MAP9: variants seen among roughly 807,000 people sequenced by gnomAD.
The protein encoded by MAP9 is microtubule-associated protein 9.
A neutral mutation model predicts 75.2 loss-of-function variants in MAP9; 80 were observed. The ratio of observed to expected loss-of-function variants is 1.06; its 90% CI spans 0.89 to 1.28. The LOEUF (loss-of-function observed/expected upper bound fraction) is 1.28, where lower values mean the gene tolerates loss of function less well. MAP9 is among the 50% of genes most tolerant of loss of function. The pLI is 0.00. For synonymous variants in MAP9, 235 were observed against 237.3 expected, an observed-to-expected ratio of 0.99 and a Z score of 0.09; for missense variants, 753 against 719.9, an observed-to-expected ratio of 1.05 and a Z score of -0.53.
chr4:155,354,965 C>A (rs1731701163), intron 10 of MAP9, 106 bp downstream of exon 10: 4 of 507,070 alleles, frequency 7.9e-6, no homozygotes, highest in East Asian at 8.3e-5. Flanking sequence ...CTTTAATATA[C>A]AAGTTATTTT....
At chr4:155,350,346 T>C in intron 13 of MAP9, 1 of 373,144 alleles carries the variant, frequency 2.7e-6, no homozygotes, top group Non-Finnish European at 5.2e-6. Context: ...TTACTAGATA[T>C]CAAACATGTT....
Position 155,343,374 on chromosome 4 carries a change from A to G in MAP9, c.*4409T>C, listed in dbSNP as rs1359140085. 1 of 151,674 alleles carries G rather than the reference A, an allele frequency of 6.6e-6. No homozygotes were observed. The highest frequency in any genetic ancestry group is 1.9e-4 in the East Asian group (1 of 5,198). The allele number at this position is 151,674 out of a possible 1,614,324, so 9.4% of individuals were successfully genotyped here. On this transcript the variant is annotated 3_prime_UTR_variant, in exon 14 of 14. Transcript: ENST00000311277. ...GAAACTAATTAACAGGAAGAGTACA[A>G]AATAATATGTTAGTTATAACTATCT...
Position 155,352,986 on chromosome 4 carries a change from T to G in MAP9, c.1614A>C (p.Glu538Asp). ...KEKNRKEREY[E>D]RAKKQKEEET... is the part of the protein sequence containing the mutation. Reference sequence around the variant, plus strand: ...CCTCCTCTTTCTGTTTCTTTGCTCTTTCATATTCTCTCTCCTTTCTATTTT... The same window carrying G: ...CCTCCTCTTTCTGTTTCTTTGCTCTGTCATATTCTCTCTCCTTTCTATTTT... Residue 538 changes from glutamate (E) to aspartate (D), a missense_variant, in exon 12 of 14, where the codon GAA (glutamate) becomes GAC (aspartate). Glu to Asp is a conservative substitution (Grantham distance 45). Coordinates refer to ENST00000311277, the MANE Select transcript of MAP9 (RefSeq NM_001039580.2). 6.5e-7 allele frequency: 1 copy of G among 1,543,146 alleles called. No homozygotes were observed. The highest frequency in any genetic ancestry group is 1.2e-5 in the South Asian group (1 of 83,296).
intron 2 of MAP9, among the ~76,000 whole-genome samples, 185 bp from the exon 3 acceptor site, chr4:155,375,206 G>A (rs1732785930): frequency 6.6e-6 from 1 of 152,166 alleles, no homozygotes; most frequent in South Asian, 2.1e-4. Flanking sequence ...ACTCAATGCA[G>A]AGCATCACAG....
rs778406552 is a variant in MAP9, at chr4:155,373,421, C to A, written c.196G>T (p.Glu66Ter). 1.8e-5 allele frequency: 29 copies of A among 1,587,222 alleles called. No individual in the cohort carries two copies. The Admixed American group carries it at 3.6e-4, about 19-fold the overall frequency. ...LGDFSDTSAD[E>*]NSVNKKMNDF... ...TTCATTTTTTTATTAACTGAATTTT[C>A]ATCTGCTGAAGTGTCAGAAAAATCA... Residue 66 changes from glutamate (E) to a stop codon, truncating the protein, a stop_gained, in exon 4 of 14, where the codon GAA (glutamate) becomes TAA (stop). Coordinates refer to ENST00000311277, the MANE Select transcript of MAP9 (RefSeq NM_001039580.2). LOFTEE classifies it high-confidence loss of function.
At chr4:155,375,186 T>C (rs1288308909) in intron 2 of MAP9, among the ~76,000 whole-genome samples, 165 bp from the exon 3 acceptor site, 2 of 152,210 alleles carry the variant, frequency 1.3e-5, no homozygotes, top group Non-Finnish European at 2.9e-5. Context: ...GTACCCACTT[T>C]ACGCCTCATA....
intron 4 of MAP9, 162 bp downstream of exon 4, chr4:155,372,974 C>T: frequency 2.0e-6 from 1 of 508,806 alleles, no homozygotes; most frequent in Non-Finnish European, 3.4e-6. Flanking sequence ...TACAACAGGT[C>T]TGTAAAATTG....
Position 155,368,594 on chromosome 4 carries a change from C to G in MAP9, c.700G>C (p.Asp234His). 1 of 1,613,020 alleles carries G rather than the reference C, an allele frequency of 6.2e-7. No individual in the cohort carries two copies. The highest frequency in any genetic ancestry group is 8.5e-7 in the Non-Finnish European group (1 of 1,179,020). The change falls in exon 5 of 14, where the codon GAT (aspartate) becomes CAT (histidine). Residue 234 changes from aspartate to histidine, a missense_variant. Physicochemically the swap from Asp to His is moderately conservative, Grantham distance 81. Coordinates refer to ENST00000311277, the MANE Select transcript of MAP9 (RefSeq NM_001039580.2). ...AEKKAFSENLDPEDSCLTSLA... is the reference protein window; with the variant it reads ...AEKKAFSENLHPEDSCLTSLA... ...TTAGTGGTAGTGCTAACCTCAGGATCAAGGTTTTCAGAGAATGCTTTTTTC... is the reference window on the plus strand; with the variant it reads ...TTAGTGGTAGTGCTAACCTCAGGATGAAGGTTTTCAGAGAATGCTTTTTTC...
chr4:155,344,632 G>A lies in MAP9; in HGVS notation c.*3151C>T, dbSNP rs1720037793. 1 of 151,866 alleles carries A rather than the reference G, an allele frequency of 6.6e-6. No individual in the cohort carries two copies. The highest frequency in any genetic ancestry group is 1.5e-5 in the Non-Finnish European group (1 of 67,844). 9.4% of individuals were successfully genotyped at this position (151,866 alleles called of 1,614,324 possible). ...AAACAATAAATGGACTAACACTTTT[G>A]AAGTATGAAGCAAATACAAACCACT... On this transcript the variant is annotated 3_prime_UTR_variant, in exon 14 of 14. Transcript: ENST00000311277.
chr4:155,369,524 G>T (rs1286612915), intron 4 of MAP9, among the ~76,000 whole-genome samples: 1 of 151,738 alleles, frequency 6.6e-6, no homozygotes, highest in Non-Finnish European at 1.5e-5. Context: ...ATAAAATGAG[G>T]AGGCTCATCC....
chr4:155,364,710 A>G (rs1732246887), intron 5 of MAP9, among the ~76,000 whole-genome samples: 1 of 151,162 alleles, frequency 6.6e-6, no homozygotes, highest in Non-Finnish European at 1.5e-5. Flanking sequence ...ATATGTAGAT[A>G]TAATATATGA....
At chr4:155,352,154 T>C (rs1382618885) in intron 13 of MAP9, 1 of 158,834 alleles carries the variant, frequency 6.3e-6, no homozygotes, top group South Asian at 1.9e-4. Context: ...GAGATTCTCC[T>C]TGAGGTCATC....
At position 155,360,299 on chromosome 4, in the gene MAP9, C is replaced by T; in HGVS notation, c.919G>A (p.Val307Met). ...TAVEKSKESQ[V>M]TADDLEEEKA... ...TCTTCTTCAAGGTCATCAGCAGTCA[C>T]TTGACTTTCCTTGGATTTCTCAACT... Residue 307 changes from valine (V) to methionine (M), a missense_variant, in exon 7 of 14, where the codon GTG becomes ATG. Transcript: ENST00000311277. The T allele has an allele frequency of 1.2e-6, 2 of 1,613,216 alleles. No individual in the cohort carries two copies. Among genetic ancestry groups the T allele is most frequent in the Non-Finnish European group, 1.7e-6 (2 of 1,179,426 alleles).
At chr4:155,371,957 T>G (rs929431399) in intron 4 of MAP9, among the ~76,000 whole-genome samples, 2 of 152,232 alleles carry the variant, frequency 1.3e-5, no homozygotes, top group African/African-American at 4.8e-5. Flanking sequence ...GTTTGCATTT[T>G]TGTAGTTTTT....
Position 155,345,963 on chromosome 4 carries a change from G to A in MAP9, c.*1820C>T, listed in dbSNP as rs1182117841. On this transcript the variant is annotated 3_prime_UTR_variant, in exon 14 of 14. Coordinates refer to ENST00000311277, the MANE Select transcript of MAP9 (RefSeq NM_001039580.2). ...GGGGACACAGGAATGAGTAAGAGAG[G>A]TCCTAAATTCCATGCTGATACTACA... 5 of 152,114 alleles carry A rather than the reference G, an allele frequency of 3.3e-5. No homozygotes were observed. The highest frequency in any genetic ancestry group is 1.2e-4 in the African/African-American group (5 of 41,422). 9.4% of individuals were successfully genotyped at this position (152,114 alleles called of 1,614,324 possible). A position where few individuals can be genotyped will look rare whatever the true frequency, so the allele number is the denominator to read the frequency against.
chr4:155,368,728 T>C lies in MAP9; in HGVS notation c.566A>G (p.Glu189Gly), dbSNP rs1180054855. The change falls in exon 5 of 14, where the codon GAG becomes GGG. Residue 189 changes from glutamate to glycine, a missense_variant. Physicochemically the swap from Glu to Gly is moderately conservative, Grantham distance 98. Transcript: ENST00000311277. Reference protein sequence around the residue: ...RSMLKKKSHMEEKDGLEDKET... With the variant: ...RSMLKKKSHMGEKDGLEDKET... The stretch of plus-strand genomic sequence containing the variant: ...TTTATCTTCTAGTCCATCCTTCTCC[T>C]CCATGTGACTTTTCTTTTTCAACAT... The C allele has an allele frequency of 1.2e-6, 2 of 1,613,990 alleles. No homozygotes were observed. Among genetic ancestry groups the C allele is most frequent in the Non-Finnish European group, 1.7e-6 (2 of 1,179,924 alleles).
At chr4:155,352,461 G>T (rs189893959) in intron 13 of MAP9, 135 bp downstream of exon 13, 595 of 810,820 alleles carry the variant, frequency 7.3e-4, no homozygotes, top group Non-Finnish European at 1.0e-3. Context: ...TGCAGGAGGA[G>T]AGCTTGAATT....
intron 4 of MAP9, among the ~76,000 whole-genome samples, chr4:155,369,940 G>A (rs557265223): frequency 1.1e-4 from 17 of 151,982 alleles, no homozygotes; most frequent in Non-Finnish European, 2.1e-4. Context: ...TGTTTCTATT[G>A]TTCTACAAAT....
Position 155,373,448 on chromosome 4 carries a change from C to T in MAP9, c.169G>A (p.Gly57Ser). The T allele has an allele frequency of 6.6e-7, 1 of 1,514,412 alleles. No homozygotes were observed. The highest frequency in any genetic ancestry group is 1.3e-5 in the South Asian group (1 of 76,170). The allele number at this position is 1,514,412 out of a possible 1,614,324, so 93.8% of individuals were successfully genotyped here. ...TCTGCTGAAGTGTCAGAAAAATCAC[C>T]TAAAGAAACTGAAAAATGGAAAAGA... ...DFDSDEIVSL[G>S]DFSDTSADEN... The change falls in exon 4 of 14, where the codon GGT becomes AGT. Residue 57 changes from glycine to serine, a missense_variant. Transcript: ENST00000311277.
Sources: allele counts gnomAD v4.1 joint callset (sites outside exome capture counted in the v4.1 genomes callset), GRCh38; gene constraint gnomAD v4.1.1; transcripts MANE v1.5; gene names NCBI Gene and HGNC (gene_info 2026-07-23, HGNC 2026-07-21).